The following CDH1 variants were observed in gnomAD, a reference collection of about 807,000 sequenced individuals.
CDH1 encodes cadherin 1.
CDH1 carries 35 observed loss-of-function variants against 84.5 expected under a neutral mutation model. The observed-to-expected ratio is 0.41, with a 90% confidence interval of 0.32 to 0.55. CDH1 has a LOEUF of 0.55. Among genes scored for constraint, CDH1 ranks in the 20% least tolerant of loss-of-function variants. The pLI is 0.19. For missense variants in CDH1, 994 were observed against 1,126.6 expected, an observed-to-expected ratio of 0.88 and a Z score of 1.68; for synonymous variants, 417 against 439.0, an observed-to-expected ratio of 0.95 and a Z score of 0.63.
intron 2 of CDH1, among the ~76,000 whole-genome samples, chr16:68,787,011 T>C (rs1391326183): frequency 6.6e-6 from 1 of 152,238 alleles, no homozygotes; most frequent in Non-Finnish European, 1.5e-5. Context: ...TCTTGAGTTA[T>C]TGAATGATTC....
intron 2 of CDH1, among the ~76,000 whole-genome samples, chr16:68,782,623 A>AG (rs1959916668): frequency 6.6e-6 from 1 of 152,172 alleles, no homozygotes; most frequent in African/African-American, 2.4e-5. Flanking sequence ...CTGTGCTTTG[A>AG]GGGGGCGTTC....
chr16:68,770,646 G>T (rs1959546354), intron 2 of CDH1, among the ~76,000 whole-genome samples: 1 of 151,722 alleles, frequency 6.6e-6, no homozygotes, highest in Non-Finnish European at 1.5e-5. Context: ...CTGAGGAGTG[G>T]ATCAGGCAGG....
At chr16:68,814,236 A>C (rs1259609656) in intron 9 of CDH1, 1 of 153,284 alleles carries the variant, frequency 6.5e-6, no homozygotes, top group Non-Finnish European at 1.4e-5. Context: ...TTCGTCTCAA[A>C]AAAAGGAAAT....
intron 2 of CDH1, among the ~76,000 whole-genome samples, chr16:68,775,380 G>T (rs746093807): frequency 7.2e-5 from 11 of 152,038 alleles, no homozygotes; most frequent in Non-Finnish European, 1.2e-4. Context: ...TCCCAACCAT[G>T]CCAAGAATGT....
chr16:68,835,084 C>T lies in CDH1; in HGVS notation c.*1585C>T, dbSNP rs1398784065. 1.3e-5 allele frequency: 3 copies of T among 231,670 alleles called. No individual in the cohort carries two copies. The highest frequency in any genetic ancestry group is 2.6e-5 in the Non-Finnish European group (3 of 117,142). 14.4% of individuals were successfully genotyped at this position (231,670 alleles called of 1,614,324 possible). On this transcript the variant is annotated 3_prime_UTR_variant, in exon 16 of 16. Transcript: ENST00000261769. Reference sequence around the variant, plus strand: ...ATGCTGGCTGAGCTGAACACATTTGCCCAATTCCAGGTGTGCACAGAAAAC... The same window carrying T: ...ATGCTGGCTGAGCTGAACACATTTGTCCAATTCCAGGTGTGCACAGAAAAC...
At chr16:68,763,327 TG>T in intron 2 of CDH1, 1 of 152,208 alleles carries the variant, frequency 6.6e-6, no homozygotes, top group Non-Finnish European at 1.5e-5. Flanking sequence ...GAATGCCTGG[TG>T]GGGGTGCTGG....
intron 2 of CDH1, among the ~76,000 whole-genome samples, chr16:68,758,960 T>C (rs1454166662): frequency 6.6e-6 from 1 of 152,020 alleles, no homozygotes; most frequent in Non-Finnish European, 1.5e-5. Flanking sequence ...CATGCCTGGC[T>C]AATTTTTTCT....
chr16:68,817,310 G>A (rs1427383872), intron 10 of CDH1, among the ~76,000 whole-genome samples: 1 of 152,202 alleles, frequency 6.6e-6, no homozygotes, highest in Non-Finnish European at 1.5e-5. Context: ...AGAGGAGGTG[G>A]CATGTTGCCA....
At chr16:68,801,944 A>C (rs928805963) in intron 3 of CDH1, 51 bp downstream of exon 3, 1 of 1,452,408 alleles carries the variant, frequency 6.9e-7, no homozygotes, top group Non-Finnish European at 9.7e-7. Context: ...TGCGCTGTCT[A>C]ATCCAGGTTT....
chr16:68,809,233 T>C (rs1229339106), intron 5 of CDH1, among the ~76,000 whole-genome samples: 1 of 151,570 alleles, frequency 6.6e-6, no homozygotes, highest in East Asian at 1.9e-4. Context: ...GGTCTTTTTT[T>C]TTTTTTTTTG....
chr16:68,757,789 C>T (rs113089287), intron 2 of CDH1, among the ~76,000 whole-genome samples: 13 of 113,440 alleles, frequency 1.1e-4, no homozygotes, highest in African/African-American at 1.7e-4. Flanking sequence ...TTCCTTCCTT[C>T]CTTTCTTTCT....
In CDH1 at chr16:68,822,234, C is replaced by T. The variant is rs987321462; in HGVS notation, c.1936+9C>T. On this transcript the variant is annotated intron_variant, in intron 12 of 15. Coordinates refer to ENST00000261769, the MANE Select transcript of CDH1 (RefSeq NM_004360.5). The stretch of plus-strand genomic sequence containing the variant: ...TCAGTACAACGACCCAAGTGGGTAC[C>T]TGAGTTTTATTTTGGCAACTTTGCT... 3 of 1,608,554 alleles carry T rather than the reference C, an allele frequency of 1.9e-6. No individual in the cohort carries two copies. Among genetic ancestry groups the T allele is most frequent in the African/African-American group, 2.7e-5 (2 of 74,766 alleles).
chr16:68,750,481 TTGAA>T (rs1962860465), intron 2 of CDH1, among the ~76,000 whole-genome samples: 1 of 151,958 alleles, frequency 6.6e-6, no homozygotes, highest in Non-Finnish European at 1.5e-5. Flanking sequence ...CCTAGAAGGG[TTGAA>T]CCTGTTCCAC....
intron 2 of CDH1, among the ~76,000 whole-genome samples, chr16:68,781,436 C>G (rs1444843935): frequency 1.8e-4 from 27 of 152,098 alleles, no homozygotes; most frequent in Admixed American, 1.8e-3. Flanking sequence ...ACCTCCTGGG[C>G]TCAAGCAATT....
chr16:68,796,024 G>A (rs1169713096), intron 2 of CDH1, among the ~76,000 whole-genome samples: 3 of 151,858 alleles, frequency 2.0e-5, no homozygotes, highest in East Asian at 3.9e-4. Context: ...TTAGCCGGGC[G>A]TGGTGGCAGG....
chr16:68,828,166 C>A lies in CDH1; in HGVS notation c.2165-8C>A, dbSNP rs1555517633. On this transcript the variant is annotated splice_region_variant and splice_polypyrimidine_tract_variant and intron_variant, in intron 13 of 15. Transcript: ENST00000261769. ...TCAACACTTGCTCTGTCTCCCCCACCATCCCAGTTCTGATTCTGCTGCTCT... is the reference window on the plus strand; with the variant it reads ...TCAACACTTGCTCTGTCTCCCCCACAATCCCAGTTCTGATTCTGCTGCTCT... 6.2e-7 allele frequency: 1 copy of A among 1,613,678 alleles called. No homozygotes were observed. The highest frequency in any genetic ancestry group is 1.7e-5 in the Admixed American group (1 of 60,008).
At chr16:68,816,761 C>CAAAAAACA (rs1960996750) in intron 10 of CDH1, among the ~76,000 whole-genome samples, 1 of 149,850 alleles carries the variant, frequency 6.7e-6, no homozygotes, top group African/African-American at 2.4e-5. Flanking sequence ...AAACAAAAAA[C>CAAAAAACA]AAAAAAACTC....
At chr16:68,748,862 G>A (rs532214224) in intron 2 of CDH1, among the ~76,000 whole-genome samples, 52 of 152,106 alleles carry the variant, frequency 3.4e-4, no homozygotes, top group African/African-American at 1.2e-3. Context: ...GTTTTGAGAC[G>A]GAGTCTCGCT....
At chr16:68,743,721 T>C (rs1450769450) in intron 2 of CDH1, among the ~76,000 whole-genome samples, 1 of 152,098 alleles carries the variant, frequency 6.6e-6, no homozygotes, top group East Asian at 1.9e-4. Context: ...CACAAGGCTT[T>C]CAAAAAGGAG....
Sources: allele counts gnomAD v4.1 joint callset (sites outside exome capture counted in the v4.1 genomes callset), GRCh38; gene constraint gnomAD v4.1.1; transcripts MANE v1.5; gene names NCBI Gene and HGNC (gene_info 2026-07-23, HGNC 2026-07-21).